USP34: variants seen among roughly 807,000 people sequenced by gnomAD.
USP34 encodes the protein ubiquitin specific peptidase 34.
In USP34, 70 loss-of-function variants were observed where a neutral mutation model predicts 460.3. The ratio of observed to expected loss-of-function variants is 0.15; its 90% CI spans 0.13 to 0.19. The LOEUF is 0.19. USP34 is among the 10% of genes least tolerant of loss of function. The probability of loss-of-function intolerance (pLI) is 1.00; values close to 1 mark genes in which losing one functional copy is unlikely to be tolerated. For synonymous variants in USP34, 1,647 were observed against 1,405.3 expected, an observed-to-expected ratio of 1.17 and a Z score of -3.85; for missense variants, 3,985 against 4,236.2, an observed-to-expected ratio of 0.94 and a Z score of 1.65.
intron 5 of USP34, among the ~76,000 whole-genome samples, chr2:61,387,948 CACACACACACATAT>C (rs886621397): frequency 4.1e-5 from 6 of 147,504 alleles, no homozygotes; most frequent in African/African-American, 1.3e-4. Flanking sequence ...CACACACACA[CACACACACACATAT>C]ATATATATAA....
rs762295348 is a variant in USP34, at chr2:61,222,917, A to G, written c.7749+143T>C. 1.3e-5 allele frequency: 10 copies of G among 781,728 alleles called. 1 individual carries two copies. The highest frequency in any genetic ancestry group is 2.0e-5 in the Non-Finnish European group (10 of 497,910). 48.4% of individuals were successfully genotyped at this position (781,728 alleles called of 1,614,324 possible). On this transcript the variant is annotated intron_variant, in intron 64 of 79. Coordinates refer to ENST00000398571, the MANE Select transcript of USP34 (RefSeq NM_014709.4). The stretch of plus-strand genomic sequence containing the variant: ...TCACTATGTTGCCTAGGCTGGTCTC[A>G]AACTCCTAGGCTCAAGCGATCCTCC...
At chr2:61,449,719 G>A (rs1345062781) in intron 1 of USP34, among the ~76,000 whole-genome samples, 2 of 152,140 alleles carry the variant, frequency 1.3e-5, no homozygotes, top group African/African-American at 4.8e-5. Context: ...GCAACAGAAA[G>A]AATAGATTTT....
chr2:61,286,667 C>T (rs371374010), intron 34 of USP34, among the ~76,000 whole-genome samples: 123 of 151,994 alleles, frequency 8.1e-4, no homozygotes, highest in African/African-American at 2.8e-3. Context: ...AAAAAAACCC[C>T]AAACCACTGG....
chr2:61,389,305 C>A (rs1049586358), intron 5 of USP34, among the ~76,000 whole-genome samples: 2 of 152,094 alleles, frequency 1.3e-5, no homozygotes, highest in African/African-American at 4.8e-5. Context: ...ATCACTGAGC[C>A]ACATGTTATC....
At chr2:61,458,626 A>G (rs1281321388) in intron 1 of USP34, among the ~76,000 whole-genome samples, 1 of 150,926 alleles carries the variant, frequency 6.6e-6, no homozygotes, top group Non-Finnish European at 1.5e-5. Context: ...AAAAAGGAAA[A>G]AAAAAAAAAA....
intron 75 of USP34, among the ~76,000 whole-genome samples, chr2:61,194,439 T>C (rs1572823975): frequency 6.6e-6 from 1 of 152,372 alleles, no homozygotes; most frequent in East Asian, 1.9e-4. Flanking sequence ...TAGCAAACTA[T>C]GGCCCTCAGG....
intron 1 of USP34, among the ~76,000 whole-genome samples, chr2:61,439,595 C>T (rs1228510447): frequency 6.6e-6 from 1 of 152,168 alleles, no homozygotes; most frequent in Non-Finnish European, 1.5e-5. Context: ...GCTGTGGGTA[C>T]TCAGGTTAGG....
chr2:61,401,327 C>T (rs1693712280), intron 3 of USP34, among the ~76,000 whole-genome samples: 1 of 151,678 alleles, frequency 6.6e-6, no homozygotes, highest in Admixed American at 6.6e-5. Flanking sequence ...CAGCTTTGAC[C>T]TCCTGGCTCA....
rs1468987476 is a variant in USP34, at chr2:61,348,497, A to T, written c.1675-17T>A. 2 of 1,592,588 alleles carry T rather than the reference A, an allele frequency of 1.3e-6. No individual in the cohort carries two copies. The highest frequency in any genetic ancestry group is 1.7e-6 in the Non-Finnish European group (2 of 1,171,360). ...CATGGATTCCTGTATTTTGAAACAA[A>T]TAGATTTAAATAAATATTTAAACCA... On this transcript the variant is annotated splice_polypyrimidine_tract_variant and intron_variant, in intron 14 of 79. Coordinates refer to ENST00000398571, the MANE Select transcript of USP34 (RefSeq NM_014709.4).
At position 61,190,604 on chromosome 2, in the gene USP34, C is replaced by T. The variant is rs765899884; in HGVS notation, c.9643G>A (p.Glu3215Lys). Residue 3215 changes from glutamate (E) to lysine (K), a missense_variant, in exon 77 of 80, where the codon GAA becomes AAA. Around this residue, in one of 14 missense-constraint regions of USP34, gnomAD observed 506 missense variants for 439.0 expected, o/e 1.15. Coordinates refer to ENST00000398571, the MANE Select transcript of USP34 (RefSeq NM_014709.4). The stretch of plus-strand genomic sequence containing the variant: ...TCCATTAGGATACATTTAATATATT[C>T]TGCGAAAACAGGATCTTCACACAAA... ...KLLCEDPVFA[E>K]YIKCILMDER... 15 of 1,613,886 alleles carry T rather than the reference C, an allele frequency of 9.3e-6. No homozygotes were observed. The Admixed American group carries it at 1.5e-4, about 16-fold the overall frequency.
intron 21 of USP34, among the ~76,000 whole-genome samples, chr2:61,319,829 G>A (rs1002040099): frequency 1.9e-4 from 29 of 152,026 alleles, no homozygotes; most frequent in Admixed American, 1.6e-3. Flanking sequence ...GGGCAACAGC[G>A]CGAGATTCCA....
At chr2:61,385,839 A>C (rs767641448) in intron 5 of USP34, among the ~76,000 whole-genome samples, 3 of 150,370 alleles carry the variant, frequency 2.0e-5, no homozygotes, top group Non-Finnish European at 3.0e-5. Flanking sequence ...TGAAAACACA[A>C]AAACAAATGA....
At position 61,405,770 on chromosome 2, in the gene USP34, T is replaced by A. The variant is rs748314723; in HGVS notation, c.490A>T (p.Ile164Phe). 2 of 1,602,190 alleles carry A rather than the reference T, an allele frequency of 1.2e-6. No homozygotes were observed. Among genetic ancestry groups the A allele is most frequent in the Admixed American group, 1.8e-5 (1 of 56,900 alleles). ...TATAAGGGAAACTGAATTTGAAAAA[T>A]TTTTGCCACACATAGTAAGAGTTTT... The part of the protein sequence containing the change: ...KEKLLLCVAK[I>F]FQIQFPLYTA... Residue 164 changes from isoleucine to phenylalanine, a missense_variant, in exon 3 of 80, where the codon ATT (isoleucine) becomes TTT (phenylalanine). Transcript: ENST00000398571.
At chr2:61,420,280 T>C (rs533223519) in intron 2 of USP34, among the ~76,000 whole-genome samples, 62 of 152,344 alleles carry the variant, frequency 4.1e-4, no homozygotes, top group African/African-American at 1.4e-3. Flanking sequence ...ACTTTGATTA[T>C]ATTAACATGT....
chr2:61,392,823 A>C (rs1693396298), intron 5 of USP34, among the ~76,000 whole-genome samples: 1 of 152,202 alleles, frequency 6.6e-6, no homozygotes, highest in South Asian at 2.1e-4. Flanking sequence ...TTTCAAAATT[A>C]TATGCCCTCT....
At chr2:61,451,918 G>A (rs1270232634) in intron 1 of USP34, among the ~76,000 whole-genome samples, 2 of 152,146 alleles carry the variant, frequency 1.3e-5, no homozygotes, top group Non-Finnish European at 2.9e-5. Flanking sequence ...GCTCACGCCT[G>A]GAATCCCAGC....
At chr2:61,391,749 G>C (rs898738407) in intron 5 of USP34, among the ~76,000 whole-genome samples, 3 of 152,076 alleles carry the variant, frequency 2.0e-5, no homozygotes, top group African/African-American at 4.8e-5. Flanking sequence ...ATAAAGCACA[G>C]CTTCTGTAGC....
At position 61,347,902 on chromosome 2, in the gene USP34, G is replaced by GTGT. The variant is rs1691821273; in HGVS notation, c.2252_2253insACA (p.His750_His751insGln). 2 of 1,613,764 alleles carry GTGT rather than the reference G, an allele frequency of 1.2e-6. No individual in the cohort carries two copies. Among genetic ancestry groups the GTGT allele is most frequent in the Non-Finnish European group, 1.7e-6 (2 of 1,179,798 alleles). On this transcript the variant is annotated inframe_insertion, in exon 15 of 80. Transcript: ENST00000398571. Reference sequence around the variant, plus strand: ...GGTGGTGGTGATGGTGGTGGTGGTGGTGGTGATGCTGTGGACCAATAAATT... The same window carrying GTGT: ...GGTGGTGGTGATGGTGGTGGTGGTGGTGTTGGTGATGCTGTGGACCAATAAATT...
intron 3 of USP34, among the ~76,000 whole-genome samples, chr2:61,400,564 A>G (rs1693685709): frequency 6.6e-6 from 1 of 152,308 alleles, no homozygotes; most frequent in East Asian, 1.9e-4. Context: ...AAAAAATACT[A>G]AATTGACTGG....
Sources: gnomAD v4.1 joint callset for allele counts (sites outside exome capture counted in the v4.1 genomes callset) on GRCh38, gnomAD v4.1.1 for gene constraint, gnomAD v4.1.1 regional missense constraint, MANE v1.5 for transcripts, NCBI Gene and HGNC (gene_info 2026-07-23, HGNC 2026-07-21) for gene names.